Variants in BCAS3 observed in about 807,000 individuals in gnomAD.
BCAS3 encodes the protein BCAS3 microtubule associated cell migration factor.
Under a neutral mutation model 116.1 loss-of-function variants are expected in BCAS3, and 53 were observed. The ratio of observed to expected loss-of-function variants is 0.46; its 90% CI spans 0.37 to 0.57. The LOEUF (loss-of-function observed/expected upper bound fraction) is 0.57. BCAS3 is among the 20% of genes least tolerant of loss of function. BCAS3 has a pLI of 0.00. For missense variants in BCAS3, 917 were observed against 1,165.4 expected (o/e 0.79, Z 3.10); for synonymous variants, 391 against 408.2 (o/e 0.96, Z 0.51).
chr17:61,060,995 C>A (rs770870646), intron 19 of BCAS3, among the ~76,000 whole-genome samples: 1 of 152,062 alleles, frequency 6.6e-6, no homozygotes, highest in Non-Finnish European at 1.5e-5. Flanking sequence ...TAAAGAAAAC[C>A]CTGCAGTAGT....
chr17:60,953,921 A>G (rs1313445111), intron 14 of BCAS3, among the ~76,000 whole-genome samples: 1 of 151,882 alleles, frequency 6.6e-6, no homozygotes, highest in African/African-American at 2.4e-5. Flanking sequence ...TTTAGTATAG[A>G]TGGGGTTTCA....
intron 13 of BCAS3, among the ~76,000 whole-genome samples, chr17:60,928,435 C>T (rs2059474985): frequency 6.6e-6 from 1 of 152,078 alleles, no homozygotes; most frequent in Non-Finnish European, 1.5e-5. Flanking sequence ...GTTTGTTGTG[C>T]ACAGATATGT....
intron 22 of BCAS3, among the ~76,000 whole-genome samples, chr17:61,240,626 C>T (rs573070401): frequency 6.6e-6 from 1 of 152,298 alleles, no homozygotes; most frequent in East Asian, 1.9e-4. Flanking sequence ...TGCACTCCAG[C>T]CTAGGCAACA....
intron 12 of BCAS3, among the ~76,000 whole-genome samples, chr17:60,918,736 A>T (rs1327995251): frequency 1.5e-5 from 2 of 136,536 alleles, no homozygotes; most frequent in East Asian, 4.2e-4. Context: ...TCTGTCACCC[A>T]CGCTGGAGTG....
Position 61,235,580 on chromosome 17 carries a change from G to T in BCAS3, c.2426-132747G>T, listed in dbSNP as rs941646052. Among the ~76,000 whole-genome samples, 1 of 152,098 alleles carries T rather than the reference G, an allele frequency of 6.6e-6. No individual in the cohort carries two copies. The highest frequency in any genetic ancestry group is 1.5e-5 in the Non-Finnish European group (1 of 68,030). On this transcript the variant is annotated intron_variant, in intron 22 of 23. Coordinates refer to ENST00000407086, the MANE Select transcript of BCAS3 (RefSeq NM_017679.5). The surrounding 1 kb of genome is among the most constrained non-coding windows in gnomAD (Gnocchi z 5.0). ...ATATGAGATTCCTGAGCCTTTAGTGGATGCTGAGCTGGAGACCCCCGTTAG... is the reference window on the plus strand; with the variant it reads ...ATATGAGATTCCTGAGCCTTTAGTGTATGCTGAGCTGGAGACCCCCGTTAG...
chr17:61,110,623 A>G (rs1424989280), intron 22 of BCAS3, among the ~76,000 whole-genome samples: 3 of 152,162 alleles, frequency 2.0e-5, no homozygotes, highest in Admixed American at 6.5e-5. Flanking sequence ...TTGCTAGCAC[A>G]GCAGTCTGAG....
intron 5 of BCAS3, among the ~76,000 whole-genome samples, chr17:60,736,888 CCCTCCCTCCCTT>C (rs1051126843): frequency 4.6e-5 from 6 of 131,746 alleles, no homozygotes; most frequent in African/African-American, 1.5e-4. Context: ...TTCCCTCCCT[CCCTCCCTCCCTT>C]CCTCCCTTCC....
At position 61,144,782 on chromosome 17, in the gene BCAS3, GAT is replaced by G. The variant is rs2077106086; in HGVS notation, c.2425+60221_2425+60222del. 6.6e-6 allele frequency among the ~76,000 whole-genome samples: 1 copy of G among 152,166 alleles called. No homozygotes were observed. Among genetic ancestry groups the G allele is most frequent in the Non-Finnish European group, 1.5e-5 (1 of 68,012 alleles). ...GTTGCTGAGGAAGCTAAAGGTCAAA[GAT>G]ATTTTCTTAGTCAGTTGATTTACCT... On this transcript the variant is annotated intron_variant, in intron 22 of 23. Transcript: ENST00000407086. The surrounding 1 kb of genome is among the most constrained non-coding windows in gnomAD (Gnocchi z 5.0).
intron 22 of BCAS3, among the ~76,000 whole-genome samples, chr17:61,264,295 C>G (rs1490813137): frequency 6.6e-6 from 1 of 151,060 alleles, no homozygotes; most frequent in Non-Finnish European, 1.5e-5. Flanking sequence ...AAGACTCATT[C>G]AATAATGTTT....
intron 6 of BCAS3, among the ~76,000 whole-genome samples, chr17:60,796,553 G>A (rs899758368): frequency 1.3e-5 from 2 of 152,100 alleles, no homozygotes; most frequent in Non-Finnish European, 2.9e-5. Flanking sequence ...TGTATTTTGT[G>A]TCAGTTGTAA....
At chr17:61,182,301 G>T (rs1234150079) in intron 22 of BCAS3, among the ~76,000 whole-genome samples, 1 of 152,056 alleles carries the variant, frequency 6.6e-6, no homozygotes, top group Non-Finnish European at 1.5e-5. Context: ...TAACGGTAGT[G>T]GAAGAGTGTG....
Position 61,029,679 on chromosome 17 carries a change from A to T in BCAS3, c.1638-4987A>T, listed in dbSNP as rs1019115759. The stretch of plus-strand genomic sequence containing the variant: ...CATACATGACAGGTAGACAATGGGT[A>T]GTCCATATAAGTATATTTCTTCCTC... On this transcript the variant is annotated intron_variant, in intron 16 of 23. Transcript: ENST00000407086. This position sits in a 1 kb window ranked among gnomAD's most constrained non-coding sequence, Gnocchi z 5.2. 1.5e-4 allele frequency among the ~76,000 whole-genome samples: 23 copies of T among 152,124 alleles called. No homozygotes were observed. The highest frequency in any genetic ancestry group is 2.1e-4 in the Non-Finnish European group (14 of 67,918).
intron 23 of BCAS3, among the ~76,000 whole-genome samples, chr17:61,372,106 C>A (rs558717819): frequency 3.9e-5 from 6 of 152,288 alleles, no homozygotes; most frequent in Admixed American, 6.5e-5. Flanking sequence ...CACCTGGGTT[C>A]CTGAAGAAAG....
At chr17:60,823,899 A>C (rs2050165031) in intron 7 of BCAS3, among the ~76,000 whole-genome samples, 1 of 152,074 alleles carries the variant, frequency 6.6e-6, no homozygotes, top group African/African-American at 2.4e-5. Context: ...AGTGTTGAGG[A>C]AAAGAAAATT....
intron 6 of BCAS3, among the ~76,000 whole-genome samples, chr17:60,770,830 A>ATTTTT (rs1181438089): frequency 1.1e-5 from 1 of 91,586 alleles, no homozygotes; most frequent in African/African-American, 4.2e-5. Flanking sequence ...TAAAACTGAA[A>ATTTTT]TTTGTTTTTT....
chr17:61,383,554 G>C (rs1288750438), intron 23 of BCAS3: 1 of 152,412 alleles, frequency 6.6e-6, no homozygotes, highest in Non-Finnish European at 1.5e-5. Flanking sequence ...AATCCTCTCA[G>C]GTGGGTAAAT....
chr17:60,984,456 A>G (rs1291160657), intron 14 of BCAS3, among the ~76,000 whole-genome samples: 1 of 152,150 alleles, frequency 6.6e-6, no homozygotes, highest in Non-Finnish European at 1.5e-5. Context: ...CCTCATGCAC[A>G]TAGATATGTA....
At chr17:61,194,467 C>T (rs1370667710) in intron 22 of BCAS3, among the ~76,000 whole-genome samples, 2 of 152,044 alleles carry the variant, frequency 1.3e-5, no homozygotes, top group African/African-American at 4.8e-5. Context: ...AAGCCGGGCG[C>T]AGTGGCTCAC....
intron 4 of BCAS3, among the ~76,000 whole-genome samples, chr17:60,708,417 G>A (rs1373034988): frequency 6.6e-6 from 1 of 151,704 alleles, no homozygotes; most frequent in Non-Finnish European, 1.5e-5. Context: ...GGAGTACAGT[G>A]GTGCCATCAT....
Sources: gnomAD v4.1 joint callset for allele counts (sites outside exome capture counted in the v4.1 genomes callset) on GRCh38, gnomAD v4.1.1 for gene constraint, Gnocchi (gnomAD v3.1) non-coding constraint, MANE v1.5 for transcripts, NCBI Gene and HGNC (gene_info 2026-07-23, HGNC 2026-07-21) for gene names.